RFC4: variants seen among roughly 807,000 people sequenced by gnomAD.
RFC4 encodes the protein replication factor C subunit 4.
RFC4 carries 38 observed loss-of-function variants against 47.6 expected under a neutral mutation model. The observed-to-expected ratio is 0.80, with a 90% CI of 0.62 to 1.05. RFC4 has a LOEUF of 1.05. Ranked by LOEUF, RFC4 falls within the 50% of genes least tolerant of loss-of-function variation. The pLI is 0.00. For missense variants in RFC4, 489 were observed against 434.0 expected (o/e 1.13, Z -1.13); for synonymous variants, 164 against 150.0 (o/e 1.09, Z -0.68).
chr3:186,790,739 T>C (rs266757), intron 8 of RFC4, among the ~76,000 whole-genome samples: 148,326 of 152,282 alleles, frequency 0.97, 72,269 homozygotes, highest in East Asian at 1. Flanking sequence ...CCAAGATCAA[T>C]CAAAAAGACT....
intron 2 of RFC4, among the ~76,000 whole-genome samples, chr3:186,804,027 C>CA (rs1001622514): frequency 6.6e-6 from 1 of 151,796 alleles, no homozygotes; most frequent in African/African-American, 2.4e-5. Context: ...ACTAAAAATA[C>CA]AAAAAATTAG....
intron 8 of RFC4, 73 bp downstream of exon 8, chr3:186,791,652 T>G (rs761552175): frequency 7.4e-7 from 1 of 1,349,958 alleles, no homozygotes; most frequent in South Asian, 1.2e-5. Context: ...ACCCAGTATT[T>G]GTTGGATGAA....
rs1722181825 is a variant in RFC4 at position 186,793,365 on chromosome 3, G to T, written c.411-418C>A. Among the ~76,000 whole-genome samples the T allele has an allele frequency of 6.6e-6, 1 of 152,154 alleles. No homozygotes were observed. The highest frequency in any genetic ancestry group is 1.5e-5 in the Non-Finnish European group (1 of 68,038). On this transcript the variant is annotated intron_variant, in intron 5 of 10. Transcript: ENST00000296273. The surrounding 1 kb of genome is among the most constrained non-coding windows in gnomAD (Gnocchi z 4.2). ...TTCCTTTGTATTGTCAAATACTATG[G>T]CAAATAGATACACCACATTTATTCA...
chr3:186,799,018 G>A (rs1055826876), intron 3 of RFC4, among the ~76,000 whole-genome samples: 12 of 152,126 alleles, frequency 7.9e-5, no homozygotes, highest in Admixed American at 2.6e-4. Context: ...ATAGCTTACA[G>A]AACAAACTAT....
At chr3:186,800,494 A>C (rs935897903) in intron 3 of RFC4, among the ~76,000 whole-genome samples, 1 of 152,208 alleles carries the variant, frequency 6.6e-6, no homozygotes, top group Non-Finnish European at 1.5e-5. Flanking sequence ...CACTTTACTG[A>C]GCTGTTAAAG....
intron 8 of RFC4, 69 bp from the exon 9 acceptor site, chr3:186,790,475 C>T (rs548396474): frequency 1.1e-5 from 12 of 1,050,108 alleles, no homozygotes; most frequent in Admixed American, 1.7e-5. Flanking sequence ...TGCCAACTGG[C>T]CCCCGTGCCC....
chr3:186,790,812 G>T (rs550527798), intron 8 of RFC4, among the ~76,000 whole-genome samples: 1 of 152,294 alleles, frequency 6.6e-6, no homozygotes, highest in Admixed American at 6.5e-5. Flanking sequence ...CCACTAATGA[G>T]ATTGGTTTAA....
At chr3:186,790,512 T>G in intron 8 of RFC4, 106 bp from the exon 9 acceptor site, 1 of 789,328 alleles carries the variant, frequency 1.3e-6, no homozygotes, top group Non-Finnish European at 2.2e-6. Context: ...CACACCTAAG[T>G]TCCATACTTT....
intron 9 of RFC4, 35 bp from the exon 10 acceptor site, chr3:186,790,290 A>C: frequency 6.2e-7 from 1 of 1,611,474 alleles, no homozygotes; most frequent in Non-Finnish European, 8.5e-7. Flanking sequence ...TGATGACTTA[A>C]TATTCCTTTC....
chr3:186,794,842 T>C (rs1722211379), intron 4 of RFC4, 65 bp from the exon 5 acceptor site: 5 of 1,561,554 alleles, frequency 3.2e-6, no homozygotes, highest in African/African-American at 1.4e-5. Context: ...ATTTTAACAT[T>C]TGCACACTTT....
chr3:186,800,974 T>C (rs1426868708), intron 3 of RFC4, 143 bp downstream of exon 3: 1 of 611,302 alleles, frequency 1.6e-6, no homozygotes, highest in Non-Finnish European at 2.9e-6. Flanking sequence ...TTGAACTAAT[T>C]ATCATTGTAC....
chr3:186,801,248 A>G, intron 2 of RFC4, 53 bp from the exon 3 acceptor site: 1 of 1,322,284 alleles, frequency 7.6e-7, no homozygotes, highest in South Asian at 1.2e-5. Context: ...TAGTAGCCAC[A>G]GAAAACTCTC....
At chr3:186,804,462 C>G (rs987925846) in intron 2 of RFC4, 121 bp downstream of exon 2, 4 of 996,416 alleles carry the variant, frequency 4.0e-6, no homozygotes, top group African/African-American at 3.3e-5. Flanking sequence ...GATTTTTTTT[C>G]AAAGACAACT....
chr3:186,801,298 A>C (rs1397420511), intron 2 of RFC4, 103 bp from the exon 3 acceptor site: 5 of 835,210 alleles, frequency 6.0e-6, no homozygotes, highest in Non-Finnish European at 8.1e-6. Context: ...CCATTCTTAA[A>C]CATCAGCAAT....
At chr3:186,803,510 A>T (rs1722404047) in intron 2 of RFC4, among the ~76,000 whole-genome samples, 1 of 151,810 alleles carries the variant, frequency 6.6e-6, no homozygotes, top group Admixed American at 6.6e-5. Flanking sequence ...TGACAATTTT[A>T]TTTATTTATT....
At chr3:186,790,456 C>T (rs756997416) in intron 8 of RFC4, 50 bp from the exon 9 acceptor site, 1 of 1,304,834 alleles carries the variant, frequency 7.7e-7, no homozygotes, top group East Asian at 2.3e-5. Flanking sequence ...TGAGACTAGA[C>T]ATACACTCTG....
chr3:186,805,823 T>C (rs1722467598), intron 1 of RFC4, among the ~76,000 whole-genome samples: 1 of 152,198 alleles, frequency 6.6e-6, no homozygotes, highest in African/African-American at 2.4e-5. Flanking sequence ...TTTTCACTGC[T>C]ACATGCCCTG....
intron 7 of RFC4, 33 bp downstream of exon 7, chr3:186,792,457 G>C: frequency 6.3e-7 from 1 of 1,583,724 alleles, no homozygotes; most frequent in Non-Finnish European, 8.7e-7. Flanking sequence ...AAAGGAATTA[G>C]TAACTCTAAT....
chr3:186,792,445 T>C (rs753129046), intron 7 of RFC4, 45 bp downstream of exon 7: 1 of 1,556,306 alleles, frequency 6.4e-7, no homozygotes. Context: ...TATGCATTCA[T>C]CAAAGGAATT....
Sources: gnomAD v4.1 joint callset for allele counts (sites outside exome capture counted in the v4.1 genomes callset) on GRCh38, gnomAD v4.1.1 for gene constraint, Gnocchi (gnomAD v3.1) non-coding constraint, MANE v1.5 for transcripts, NCBI Gene and HGNC (gene_info 2026-07-23, HGNC 2026-07-21) for gene names.